PIBF1: variants seen among roughly 807,000 people sequenced by gnomAD.
PIBF1 encodes progesterone-induced-blocking factor 1.
Under a neutral mutation model 112.5 loss-of-function variants are expected in PIBF1, and 90 were observed. That is an observed-to-expected ratio of 0.80 (90% CI 0.67 to 0.95). The LOEUF is 0.95. Ranked by LOEUF, PIBF1 falls within the 40% of genes least tolerant of loss-of-function variation. The pLI is 0.00. For synonymous variants in PIBF1, 301 were observed against 288.6 expected (o/e 1.04, Z -0.44); for missense variants, 915 against 852.3 (o/e 1.07, Z -0.92).
intron 8 of PIBF1, 151 bp from the exon 9 acceptor site, chr13:72,835,092 T>C (rs964474792): frequency 5.0e-6 from 2 of 400,460 alleles, no homozygotes. Flanking sequence ...TTTTTAGGAA[T>C]TATAAAACTT....
chr13:72,819,441 T>C lies in PIBF1; in HGVS notation c.673-2408T>C, dbSNP rs77873433. Among the ~76,000 whole-genome samples the C allele has an allele frequency of 6.7e-4, 102 of 152,240 alleles. 1 individual carries two copies. The East Asian group carries it at 0.011, about 17-fold the overall frequency. On this transcript the variant is annotated intron_variant, in intron 5 of 17. Transcript: ENST00000326291. ...GTTTCTCACCAATATTTGAATATTG[T>C]CAAGCTTGTTTCATTTTTTAAAACC...
chr13:72,810,956 A>G (rs2035979188), intron 5 of PIBF1, among the ~76,000 whole-genome samples: 1 of 151,094 alleles, frequency 6.6e-6, no homozygotes, highest in Non-Finnish European at 1.5e-5. Flanking sequence ...CCCCAGGTTC[A>G]CACCATTCTC....
chr13:72,885,403 A>G (rs562574192), intron 10 of PIBF1, among the ~76,000 whole-genome samples: 1 of 152,106 alleles, frequency 6.6e-6, no homozygotes, highest in Non-Finnish European at 1.5e-5. Flanking sequence ...AATGTTTTCT[A>G]TCCTGGCTTG....
intron 6 of PIBF1, among the ~76,000 whole-genome samples, chr13:72,822,588 A>C (rs2036605231): frequency 6.6e-6 from 1 of 152,196 alleles, no homozygotes; most frequent in Non-Finnish European, 1.5e-5. Flanking sequence ...AATAAATATG[A>C]AAGCCTTTAA....
chr13:72,927,868 T>C (rs975926354), intron 13 of PIBF1, among the ~76,000 whole-genome samples: 1 of 148,764 alleles, frequency 6.7e-6, no homozygotes, highest in Admixed American at 6.7e-5. Flanking sequence ...TGTGTATGTG[T>C]GTTTGTACTA....
intron 2 of PIBF1, among the ~76,000 whole-genome samples, chr13:72,786,783 T>C (rs775432814): frequency 6.9e-4 from 105 of 152,222 alleles, no homozygotes; most frequent in Non-Finnish European, 1.3e-3. Flanking sequence ...TTTTTCTCTA[T>C]CATACGAGCA....
intron 17 of PIBF1, among the ~76,000 whole-genome samples, chr13:73,008,583 A>T (rs1447915354): frequency 6.6e-6 from 1 of 152,216 alleles, no homozygotes; most frequent in Non-Finnish European, 1.5e-5. Flanking sequence ...GATATAAATA[A>T]TTCCTGCCTC....
rs140724909 is a variant in PIBF1 at position 73,012,962 on chromosome 13, C to CA, written c.2224-2905dup. On this transcript the variant is annotated intron_variant, in intron 17 of 17. Coordinates refer to ENST00000326291, the MANE Select transcript of PIBF1 (RefSeq NM_006346.4). Reference sequence around the variant, plus strand: ...AAACTAATGTCAGACACCAAATATCCAAGGACTAAAGGATGACTACAAAAG... The same window carrying CA: ...AAACTAATGTCAGACACCAAATATCCAAAGGACTAAAGGATGACTACAAAAG... 8.9e-3 allele frequency among the ~76,000 whole-genome samples: 1,344 copies of CA among 150,178 alleles called. 40 individuals carry two copies. Among genetic ancestry groups the CA allele is most frequent in the East Asian group, 0.07 (349 of 4,972 alleles).
At chr13:72,855,263 C>T (rs546204167) in intron 10 of PIBF1, among the ~76,000 whole-genome samples, 1 of 152,252 alleles carries the variant, frequency 6.6e-6, no homozygotes, top group African/African-American at 2.4e-5. Context: ...TTTAGAATGG[C>T]TCAAATTGTC....
intron 2 of PIBF1, among the ~76,000 whole-genome samples, chr13:72,791,923 C>T (rs914854288): frequency 3.3e-5 from 5 of 151,642 alleles, no homozygotes; most frequent in East Asian, 3.9e-4. Flanking sequence ...CGTGAGCCAC[C>T]GCACCCAGCT....
At chr13:72,936,584 G>T (rs542927383) in intron 14 of PIBF1, among the ~76,000 whole-genome samples, 1 of 152,170 alleles carries the variant, frequency 6.6e-6, no homozygotes, top group Non-Finnish European at 1.5e-5. Context: ...AACTGTTGTA[G>T]CATCATTTGT....
intron 10 of PIBF1, among the ~76,000 whole-genome samples, chr13:72,886,026 C>T (rs1051046233): frequency 9.2e-5 from 14 of 152,036 alleles, no homozygotes; most frequent in African/African-American, 2.2e-4. Flanking sequence ...AAATAAATGA[C>T]TTTTACATCC....
At chr13:72,840,075 T>C (rs2037538566) in intron 9 of PIBF1, among the ~76,000 whole-genome samples, 2 of 152,298 alleles carry the variant, frequency 1.3e-5, no homozygotes, top group South Asian at 4.1e-4. Flanking sequence ...TGAATTTGAA[T>C]TTCACAGGAC....
chr13:72,917,271 T>C, intron 13 of PIBF1, 105 bp downstream of exon 13: 2 of 497,262 alleles, frequency 4.0e-6, no homozygotes, highest in South Asian at 5.0e-5. Flanking sequence ...CCTTTATTCT[T>C]ACTCTGCATA....
chr13:73,002,373 C>T (rs1422517411), intron 17 of PIBF1, among the ~76,000 whole-genome samples: 1 of 152,182 alleles, frequency 6.6e-6, no homozygotes, highest in Non-Finnish European at 1.5e-5. Context: ...TATTCAGAAA[C>T]ACCCAGTTCA....
At chr13:72,920,590 C>A (rs1055242877) in intron 13 of PIBF1, among the ~76,000 whole-genome samples, 2 of 152,256 alleles carry the variant, frequency 1.3e-5, no homozygotes, top group East Asian at 3.9e-4. Flanking sequence ...AGCAGTATAA[C>A]CTTTGAGAGA....
chr13:72,823,295 G>A (rs918042016), intron 6 of PIBF1, among the ~76,000 whole-genome samples: 5 of 152,242 alleles, frequency 3.3e-5, no homozygotes, highest in Middle Eastern at 3.4e-3. Context: ...TGAGTCATGA[G>A]TTGATAATTA....
chr13:72,988,062 C>T (rs1156877555), intron 16 of PIBF1, among the ~76,000 whole-genome samples: 2 of 150,928 alleles, frequency 1.3e-5, no homozygotes, highest in East Asian at 3.9e-4. Flanking sequence ...GGGGTTTCAC[C>T]ATGCTGGCCA....
At chr13:72,985,286 G>T (rs185506788) in intron 16 of PIBF1, among the ~76,000 whole-genome samples, 1 of 151,480 alleles carries the variant, frequency 6.6e-6, no homozygotes, top group Non-Finnish European at 1.5e-5. Context: ...CCAACACTTC[G>T]GGAGGCCGAA....
Sources: allele counts gnomAD v4.1 joint callset (sites outside exome capture counted in the v4.1 genomes callset), GRCh38; gene constraint gnomAD v4.1.1; transcripts MANE v1.5; gene names NCBI Gene and HGNC (gene_info 2026-07-23, HGNC 2026-07-21).